Variants in WWOX observed in about 807,000 individuals in gnomAD.
WWOX encodes WW domain-containing oxidoreductase.
WWOX carries 69 observed loss-of-function variants against 46.2 expected under a neutral mutation model. The observed-to-expected ratio is 1.49, with a 90% CI of 1.23 to 1.82. The LOEUF (loss-of-function observed/expected upper bound fraction) is 1.82, where lower values mean the gene tolerates loss of function less well. Among genes scored for constraint, WWOX ranks in the 40% most tolerant of loss-of-function variants. The pLI, the probability that WWOX is intolerant of heterozygous loss-of-function variation, is 0.00. For missense variants in WWOX, 919 were observed against 542.6 expected (o/e 1.69, Z -6.89); for synonymous variants, 359 against 202.6 (o/e 1.77, Z -6.56).
rs1273692543 is a variant in WWOX at position 79,212,349 on chromosome 16, TGAC to T, written c.*554_*556del. On this transcript the variant is annotated 3_prime_UTR_variant, in exon 9 of 9. Coordinates refer to ENST00000566780, the MANE Select transcript of WWOX (RefSeq NM_016373.4). ...TTGTCCCAGCCAGTGAGGATGACAGTGACACCCAGAGGGAGTAGAATACGCAGA... is the reference window on the plus strand; with the variant it reads ...TTGTCCCAGCCAGTGAGGATGACAGTACCCAGAGGGAGTAGAATACGCAGA... 2 of 632,456 alleles carry T rather than the reference TGAC, an allele frequency of 3.2e-6. No homozygotes were observed. Among genetic ancestry groups the T allele is most frequent in the African/African-American group, 3.6e-5 (2 of 54,882 alleles). 39.2% of individuals were successfully genotyped at this position (632,456 alleles called of 1,614,324 possible).
At chr16:78,229,421 A>C (rs2037172729) in intron 5 of WWOX, among the ~76,000 whole-genome samples, 2 of 150,256 alleles carry the variant, frequency 1.3e-5, no homozygotes, top group Admixed American at 1.3e-4. Context: ...TTTTATGATT[A>C]ACTTATATCT....
chr16:78,789,374 A>G (rs770808505), intron 8 of WWOX, among the ~76,000 whole-genome samples: 8 of 152,174 alleles, frequency 5.3e-5, no homozygotes, highest in South Asian at 4.1e-4. Context: ...GTGAATATCC[A>G]TTTGTCCCAG....
intron 8 of WWOX, among the ~76,000 whole-genome samples, chr16:78,853,923 G>A (rs1283857144): frequency 6.6e-6 from 1 of 152,142 alleles, no homozygotes; most frequent in African/African-American, 2.4e-5. Flanking sequence ...AATACTTGTA[G>A]TATCATGGAT....
At chr16:78,426,329 C>T (rs370044481) in intron 7 of WWOX, among the ~76,000 whole-genome samples, 19 of 152,228 alleles carry the variant, frequency 1.2e-4, no homozygotes, top group African/African-American at 4.3e-4. Context: ...ATGTGGAGGG[C>T]ACCACGGGAT....
At chr16:78,426,981 G>T (rs913012651) in intron 7 of WWOX, among the ~76,000 whole-genome samples, 1 of 152,196 alleles carries the variant, frequency 6.6e-6, no homozygotes, top group East Asian at 1.9e-4. Flanking sequence ...ATTATTTAAG[G>T]GTGTTTTAAC....
intron 8 of WWOX, among the ~76,000 whole-genome samples, chr16:79,010,776 G>T (rs1276281058): frequency 6.7e-6 from 1 of 150,078 alleles, no homozygotes; most frequent in African/African-American, 2.5e-5. Flanking sequence ...GCTGCCAGCA[G>T]AGGGGAAACC....
chr16:78,267,233 A>C (rs769020857), intron 5 of WWOX: 1 of 152,104 alleles, frequency 6.6e-6, no homozygotes, highest in Non-Finnish European at 1.5e-5. Context: ...ACATGTACCC[A>C]CACACACGTA....
intron 8 of WWOX, among the ~76,000 whole-genome samples, chr16:78,657,546 C>G (rs545820488): frequency 6.6e-6 from 1 of 152,184 alleles, no homozygotes; most frequent in Non-Finnish European, 1.5e-5. Flanking sequence ...AACCCCTCCT[C>G]TAGTTAAAGA....
At chr16:78,281,607 C>T (rs562837481) in intron 5 of WWOX, among the ~76,000 whole-genome samples, 11 of 152,040 alleles carry the variant, frequency 7.2e-5, no homozygotes, top group South Asian at 2.1e-4. Context: ...CCTCATAGTG[C>T]GAAAACAGGC....
chr16:78,687,750 G>T (rs1246090287), intron 8 of WWOX, among the ~76,000 whole-genome samples: 3 of 152,070 alleles, frequency 2.0e-5, no homozygotes, highest in African/African-American at 2.4e-5. Context: ...AATTAACACT[G>T]TATTTCATAT....
chr16:78,956,290 C>T (rs2046165187), intron 8 of WWOX, among the ~76,000 whole-genome samples: 1 of 152,156 alleles, frequency 6.6e-6, no homozygotes, highest in African/African-American at 2.4e-5. Context: ...GGATTATAGG[C>T]ACATGCCACC....
At chr16:78,154,679 C>T (rs371148758) in intron 4 of WWOX, among the ~76,000 whole-genome samples, 1 of 152,054 alleles carries the variant, frequency 6.6e-6, no homozygotes, top group African/African-American at 2.4e-5. Context: ...CCTTGTGCTT[C>T]TCTGTCCACG....
intron 6 of WWOX, among the ~76,000 whole-genome samples, chr16:78,402,181 T>C (rs1333622371): frequency 6.6e-6 from 1 of 152,256 alleles, no homozygotes; most frequent in Non-Finnish European, 1.5e-5. Flanking sequence ...GTCTGCTTTC[T>C]ATCTCTACCT....
rs371294672 is a variant in WWOX at position 78,441,245 on chromosome 16, T to TC, written c.1056+8499dup. ...CCTGTAGTTTCTTATTTAATGTCTGTCCCCCCTTCTCTTGACAGTGGTGTT... is the reference window on the plus strand; with the variant it reads ...CCTGTAGTTTCTTATTTAATGTCTGTCCCCCCCTTCTCTTGACAGTGGTGTT... On this transcript the variant is annotated intron_variant, in intron 8 of 8. Coordinates refer to ENST00000566780, the MANE Select transcript of WWOX (RefSeq NM_016373.4). Among the ~76,000 whole-genome samples the TC allele has an allele frequency of 2.0e-3, 312 of 152,196 alleles. 2 individuals are homozygous for TC. The highest frequency in any genetic ancestry group is 7.2e-3 in the African/African-American group (300 of 41,544).
At chr16:79,098,080 C>G (rs1399243728) in intron 8 of WWOX, among the ~76,000 whole-genome samples, 1 of 152,118 alleles carries the variant, frequency 6.6e-6, no homozygotes, top group Non-Finnish European at 1.5e-5. Context: ...CTAGGTACAT[C>G]AAGTTTTTGA....
chr16:78,422,837 A>G (rs1194303391), intron 6 of WWOX, among the ~76,000 whole-genome samples: 1 of 106,532 alleles, frequency 9.4e-6, no homozygotes, highest in Admixed American at 1.2e-4. Context: ...ATATATATAT[A>G]TACATATACA....
Position 78,796,336 on chromosome 16 carries a change from C to G in WWOX, c.1056+363584C>G, listed in dbSNP as rs368470727. 3.9e-5 allele frequency among the ~76,000 whole-genome samples: 6 copies of G among 152,314 alleles called. No individual in the cohort carries two copies. The South Asian group carries it at 1.2e-3, about 32-fold the overall frequency. On this transcript the variant is annotated intron_variant, in intron 8 of 8. Coordinates refer to ENST00000566780, the MANE Select transcript of WWOX (RefSeq NM_016373.4). ...AAATCCTCTGCTGGATCCTTTAAGT[C>G]CAGACATCTGACAGGGGAAGAAAAA...
intron 8 of WWOX, among the ~76,000 whole-genome samples, chr16:78,758,864 G>T (rs1260637963): frequency 2.0e-5 from 3 of 148,474 alleles, no homozygotes; most frequent in African/African-American, 5.0e-5. Flanking sequence ...AAGATTTTGT[G>T]TTCAAGATTT....
rs201454216 is a variant in WWOX at position 78,930,218 on chromosome 16, CCTTT to C, written c.1057-281386_1057-281383del. On this transcript the variant is annotated intron_variant, in intron 8 of 8. Coordinates refer to ENST00000566780, the MANE Select transcript of WWOX (RefSeq NM_016373.4). ...GAGCCTGGGGTGGATTATTTCAGGACCTTTCTTCCTTCCTTCCTTCCTTCCTTCC... is the reference window on the plus strand; with the variant it reads ...GAGCCTGGGGTGGATTATTTCAGGACCTTCCTTCCTTCCTTCCTTCCTTCC... Among the ~76,000 whole-genome samples the C allele has an allele frequency of 3.0e-3, 348 of 115,808 alleles. 14 individuals are homozygous for C. The highest frequency in any genetic ancestry group is 4.3e-3 in the South Asian group (15 of 3,488). The allele number at this position is 115,808 out of a possible 152,430, so 76.0% of individuals were successfully genotyped here. A position where few individuals can be genotyped will look rare whatever the true frequency, so the allele number is the denominator to read the frequency against.
Sources: allele counts gnomAD v4.1 joint callset (sites outside exome capture counted in the v4.1 genomes callset), GRCh38; gene constraint gnomAD v4.1.1; transcripts MANE v1.5; gene names NCBI Gene and HGNC (gene_info 2026-07-23, HGNC 2026-07-21).